RAPGEF2: variants seen among roughly 807,000 people sequenced by gnomAD.
The protein encoded by RAPGEF2 is PDZ domain containing guanine nucleotide exchange factor (GEF) 1.
RAPGEF2 carries 54 observed loss-of-function variants against 186.7 expected under a neutral mutation model. The observed-to-expected ratio is 0.29, with a 90% CI of 0.23 to 0.36. The LOEUF (loss-of-function observed/expected upper bound fraction) is 0.36. Among genes scored for constraint, RAPGEF2 ranks in the 10% least tolerant of loss-of-function variants. The pLI, the probability that RAPGEF2 is intolerant of heterozygous loss-of-function variation, is 1.00. For missense variants in RAPGEF2, 1,532 were observed against 2,045.0 expected (o/e 0.75, Z 4.84); for synonymous variants, 712 against 705.9 (o/e 1.01, Z -0.14).
rs559622274 is a variant in RAPGEF2 at position 159,262,401 on chromosome 4, T to TG, written c.543+18617dup. On this transcript the variant is annotated intron_variant, in intron 7 of 29. Transcript: ENST00000691494. The stretch of plus-strand genomic sequence containing the variant: ...GCGGTGTTAATGTGTGAAATATTAG[T>TG]GGGGGGGCCTTGTTCTACAGCCTCG... 3.8e-3 allele frequency among the ~76,000 whole-genome samples: 585 copies of TG among 152,194 alleles called. 2 individuals carry two copies. Among genetic ancestry groups the TG allele is most frequent in the African/African-American group, 0.013 (536 of 41,524 alleles).
At chr4:159,118,663 G>A (rs535017873) in intron 1 of RAPGEF2, among the ~76,000 whole-genome samples, 89 of 152,178 alleles carry the variant, frequency 5.8e-4, no homozygotes, top group South Asian at 2.7e-3. Context: ...TCAGCTCACC[G>A]CAACCTCCGC....
In RAPGEF2 at chr4:159,103,517, AG is replaced by A. The variant is rs1737415994; in HGVS notation, c.-644del. On this transcript the variant is annotated 5_prime_UTR_variant, in exon 1 of 30. An upstream open reading frame in the 5' UTR loses its in-frame stop. Coordinates refer to ENST00000691494, the MANE Select transcript of RAPGEF2 (RefSeq NM_001394067.2). Reference sequence around the variant, plus strand: ...CGGCCGAGCCCAGTAGACAGAGACCAGGAGCGGCGGCCGAGGCGATCGGGCT... The same window carrying A: ...CGGCCGAGCCCAGTAGACAGAGACCAGAGCGGCGGCCGAGGCGATCGGGCT... The A allele has an allele frequency of 6.5e-6, 1 of 153,446 alleles. No homozygotes were observed. The highest frequency in any genetic ancestry group is 1.5e-5 in the Non-Finnish European group (1 of 68,480). 9.5% of individuals were successfully genotyped at this position (153,446 alleles called of 1,614,324 possible). A position where few individuals can be genotyped will look rare whatever the true frequency, so the allele number is the denominator to read the frequency against.
At chr4:159,258,769 T>C (rs922041563) in intron 7 of RAPGEF2, among the ~76,000 whole-genome samples, 1 of 152,358 alleles carries the variant, frequency 6.6e-6, no homozygotes, top group African/African-American at 2.4e-5. Flanking sequence ...GGTTGTATCA[T>C]GTTGATATCT....
At chr4:159,307,468 C>T (rs1184520016) in intron 8 of RAPGEF2, among the ~76,000 whole-genome samples, 2 of 152,076 alleles carry the variant, frequency 1.3e-5, no homozygotes, top group Non-Finnish European at 2.9e-5. Flanking sequence ...TTGTGTAAAA[C>T]AATGAACAGT....
At chr4:159,135,510 C>A (rs947432651) in intron 1 of RAPGEF2, among the ~76,000 whole-genome samples, 1 of 152,322 alleles carries the variant, frequency 6.6e-6, no homozygotes, top group Middle Eastern at 3.4e-3. Context: ...TTCCTTTAAT[C>A]ATTAACAGTG....
intron 7 of RAPGEF2, among the ~76,000 whole-genome samples, chr4:159,283,540 T>C (rs1357425480): frequency 1.3e-5 from 2 of 152,164 alleles, no homozygotes; most frequent in Non-Finnish European, 2.9e-5. Flanking sequence ...ATATTTTATC[T>C]TATATCATAA....
chr4:159,196,989 G>T (rs930723428), intron 3 of RAPGEF2, among the ~76,000 whole-genome samples: 3 of 152,196 alleles, frequency 2.0e-5, no homozygotes, highest in Admixed American at 1.3e-4. Flanking sequence ...CAACTTTACA[G>T]AATGGAAAAG....
At position 159,164,193 on chromosome 4, in the gene RAPGEF2, G is replaced by A. The variant is rs537132250; in HGVS notation, c.70-22449G>A. Among the ~76,000 whole-genome samples the A allele has an allele frequency of 1.0e-3, 158 of 151,656 alleles. 1 individual carries two copies. Among genetic ancestry groups the A allele is most frequent in the Non-Finnish European group, 1.9e-3 (128 of 67,764 alleles). On this transcript the variant is annotated intron_variant, in intron 1 of 29. Coordinates refer to ENST00000691494, the MANE Select transcript of RAPGEF2 (RefSeq NM_001394067.2). Reference sequence around the variant, plus strand: ...CTAATTTTTTGTATTTTTAGTAGAGGCGGGGTTTCACCGTGTTAGCCAGGA... The same window carrying A: ...CTAATTTTTTGTATTTTTAGTAGAGACGGGGTTTCACCGTGTTAGCCAGGA...
At chr4:159,295,097 A>G (rs1164996969) in intron 7 of RAPGEF2, among the ~76,000 whole-genome samples, 1 of 152,178 alleles carries the variant, frequency 6.6e-6, no homozygotes, top group Non-Finnish European at 1.5e-5. Flanking sequence ...CCATTATACA[A>G]TACAGGCCCC....
At chr4:159,249,555 C>T (rs565450956) in intron 7 of RAPGEF2, among the ~76,000 whole-genome samples, 23 of 151,692 alleles carry the variant, frequency 1.5e-4, no homozygotes, top group Admixed American at 3.9e-4. Context: ...TTTTAAATCA[C>T]TTGTGAAAGA....
At chr4:159,128,724 GT>G (rs1408805370) in intron 1 of RAPGEF2, 1 of 151,548 alleles carries the variant, frequency 6.6e-6, no homozygotes, top group African/African-American at 2.4e-5. Context: ...AAGAACCATT[GT>G]GTAAAAACTC....
chr4:159,154,632 G>T lies in RAPGEF2; in HGVS notation c.70-32010G>T, dbSNP rs78227007. Among the ~76,000 whole-genome samples, 71 of 151,992 alleles carry T rather than the reference G, an allele frequency of 4.7e-4. No homozygotes were observed. The East Asian group carries it at 0.013, about 28-fold the overall frequency. ...TGATGTTTAGCTATGTTATTGTGCT[G>T]ATAATTTGTAAAATAATCTGCTTCT... On this transcript the variant is annotated intron_variant, in intron 1 of 29. Coordinates refer to ENST00000691494, the MANE Select transcript of RAPGEF2 (RefSeq NM_001394067.2).
At chr4:159,347,049 T>A in intron 25 of RAPGEF2, 51 bp downstream of exon 25, 1 of 1,499,098 alleles carries the variant, frequency 6.7e-7, no homozygotes, top group Admixed American at 1.9e-5. Context: ...TGTCATGGTT[T>A]GCAAATTAGG....
At chr4:159,342,909 A>G (rs1026101907) in intron 20 of RAPGEF2, 70 bp from the exon 21 acceptor site, 4 of 1,306,162 alleles carry the variant, frequency 3.1e-6, no homozygotes, top group Non-Finnish European at 4.3e-6. Flanking sequence ...TAGAGATGTT[A>G]TATGTCAATA....
intron 1 of RAPGEF2, among the ~76,000 whole-genome samples, chr4:159,154,359 A>G (rs1001029542): frequency 3.9e-5 from 6 of 152,158 alleles, no homozygotes; most frequent in African/African-American, 1.4e-4. Context: ...TTTATTGCCT[A>G]TCTCTTACTG....
chr4:159,351,766 A>G (rs1731204587), intron 26 of RAPGEF2, among the ~76,000 whole-genome samples: 1 of 152,076 alleles, frequency 6.6e-6, no homozygotes, highest in Non-Finnish European at 1.5e-5. Context: ...AACATGGTGA[A>G]ACCCCTGTCT....
At chr4:159,327,824 GTTC>G (rs1766139793) in intron 11 of RAPGEF2, 4 of 151,148 alleles carry the variant, frequency 2.6e-5, no homozygotes, top group Non-Finnish European at 4.4e-5. Context: ...TAAGGTACCA[GTTC>G]TATATGACCA....
intron 1 of RAPGEF2, among the ~76,000 whole-genome samples, chr4:159,179,905 A>T (rs1746832215): frequency 6.6e-6 from 1 of 152,176 alleles, no homozygotes; most frequent in Non-Finnish European, 1.5e-5. Flanking sequence ...ACAAATGCCG[A>T]CAGACAGTTC....
intron 4 of RAPGEF2, among the ~76,000 whole-genome samples, chr4:159,227,330 T>C (rs1017880343): frequency 1.3e-5 from 2 of 152,244 alleles, no homozygotes; most frequent in African/African-American, 4.8e-5. Flanking sequence ...ATTTTGCTTC[T>C]TGAATGAATT....
Sources: gnomAD v4.1 joint callset for allele counts (sites outside exome capture counted in the v4.1 genomes callset) on GRCh38, gnomAD v4.1.1 for gene constraint, MANE v1.5 for transcripts, NCBI Gene and HGNC (gene_info 2026-07-23, HGNC 2026-07-21) for gene names.